PCDH1: variants seen among roughly 807,000 people sequenced by gnomAD.
PCDH1 encodes the protein protocadherin 1.
In PCDH1, 23 loss-of-function variants were observed where a neutral mutation model predicts 74.6. That is an observed-to-expected ratio of 0.31 (90% CI 0.22 to 0.44). The LOEUF (loss-of-function observed/expected upper bound fraction) is 0.44, where lower values mean the gene tolerates loss of function less well. PCDH1 is among the 20% of genes least tolerant of loss of function. PCDH1 has a pLI of 1.00. For synonymous variants in PCDH1, 647 were observed against 686.1 expected, an observed-to-expected ratio of 0.94 and a Z score of 0.89; for missense variants, 1,214 against 1,641.4, an observed-to-expected ratio of 0.74 and a Z score of 4.50.
chr5:141,869,657 G>A lies in PCDH1; in HGVS notation c.41-226C>T, dbSNP rs1753038493. ...GCCCCAGCTGGAGGAGCCAGTAAGA[G>A]GCCTGGCATGCCTAGAGCAGCTCCC... On this transcript the variant is annotated intron_variant, in intron 1 of 4. Coordinates refer to ENST00000287008, the MANE Select transcript of PCDH1 (RefSeq NM_032420.5). This position sits in a 1 kb window ranked among gnomAD's most constrained non-coding sequence, Gnocchi z 4.9. 6.5e-7 allele frequency: 1 copy of A among 1,532,162 alleles called. No homozygotes were observed. The highest frequency in any genetic ancestry group is 1.4e-5 in the African/African-American group (1 of 73,084). The allele number at this position is 1,532,162 out of a possible 1,614,324, so 94.9% of individuals were successfully genotyped here.
rs1752217620 is a variant in PCDH1 at position 141,854,005 on chromosome 5, C to A, written c.*37G>T. ...AATGGGCCATTTGGGAGCTGGCCGGCGGCTGGGGGAGGGGGGCCGGCCGGC... is the reference window on the plus strand; with the variant it reads ...AATGGGCCATTTGGGAGCTGGCCGGAGGCTGGGGGAGGGGGGCCGGCCGGC... On this transcript the variant is annotated 3_prime_UTR_variant, in exon 5 of 5. Transcript: ENST00000287008. 2 of 1,464,416 alleles carry A rather than the reference C, an allele frequency of 1.4e-6. No homozygotes were observed. Among genetic ancestry groups the A allele is most frequent in the East Asian group, 2.4e-5 (1 of 42,162 alleles). 90.7% of individuals were successfully genotyped at this position (1,464,416 alleles called of 1,614,324 possible).
intron 1 of PCDH1, among the ~76,000 whole-genome samples, chr5:141,872,078 T>G (rs1753107387): frequency 6.6e-6 from 1 of 151,750 alleles, no homozygotes; most frequent in Admixed American, 6.6e-5. Flanking sequence ...AATGTTAATC[T>G]CTTTAAAGGA....
chr5:141,865,920 ATG>A lies in PCDH1; in HGVS notation c.904-495_904-494del, dbSNP rs1014276113. Among the ~76,000 whole-genome samples the A allele has an allele frequency of 5.5e-4, 84 of 152,340 alleles. 1 individual carries two copies. The highest frequency in any genetic ancestry group is 1.9e-3 in the African/African-American group (81 of 41,576). ...TATGTATGTGTATGATTGTGTCAGA[ATG>A]TGTGATTAAATGTGATATGTTTGTG... On this transcript the variant is annotated intron_variant, in intron 2 of 4. Transcript: ENST00000287008. This position sits in a 1 kb window ranked among gnomAD's most constrained non-coding sequence, Gnocchi z 4.4.
Position 141,865,159 on chromosome 5 carries a change from C to T in PCDH1, c.1172G>A (p.Gly391Asp). ...ATCTTGATGAGTCACTAGCCCTATG[C>T]CCCGGATCTCAATGGTGGGGGCATT... Reference protein sequence around the residue: ...NDNAPTIEIRGIGLVTHQDGM... With the variant: ...NDNAPTIEIRDIGLVTHQDGM... The change falls in exon 3 of 5, where the codon GGC (glycine) becomes GAC (aspartate). Residue 391 changes from glycine to aspartate, a missense_variant. Physicochemically the swap from Gly to Asp is moderately conservative, Grantham distance 94. Around this residue, in one of 4 missense-constraint regions of PCDH1, gnomAD observed 836 missense variants for 1,182.2 expected, o/e 0.71. Transcript: ENST00000287008. This position sits in a 1 kb window ranked among gnomAD's most constrained non-coding sequence, Gnocchi z 4.4. 1 of 1,614,164 alleles carries T rather than the reference C, an allele frequency of 6.2e-7. No individual in the cohort carries two copies. Among genetic ancestry groups the T allele is most frequent in the Non-Finnish European group, 8.5e-7 (1 of 1,180,026 alleles).
At chr5:141,875,638 C>G (rs571318833) in intron 1 of PCDH1, among the ~76,000 whole-genome samples, 161 of 152,204 alleles carry the variant, frequency 1.1e-3, no homozygotes, top group African/African-American at 3.6e-3. Context: ...GGCAGACCAG[C>G]AAGACACCCA....
Position 141,865,514 on chromosome 5 carries a change from C to G in PCDH1, c.904-87G>C. ...AAGGGGCACACATGCTGCCAATGTC[C>G]TTTCCAACAAGCATGGCAGACACAG... is the stretch of plus-strand genomic sequence containing the variant. On this transcript the variant is annotated intron_variant, in intron 2 of 4. Coordinates refer to ENST00000287008, the MANE Select transcript of PCDH1 (RefSeq NM_032420.5). This position sits in a 1 kb window ranked among gnomAD's most constrained non-coding sequence, Gnocchi z 4.4. 7.0e-7 allele frequency: 1 copy of G among 1,426,132 alleles called. No individual in the cohort carries two copies. Among genetic ancestry groups the G allele is most frequent in the Non-Finnish European group, 9.5e-7 (1 of 1,047,888 alleles). 88.3% of individuals were successfully genotyped at this position (1,426,132 alleles called of 1,614,324 possible). A position where few individuals can be genotyped will look rare whatever the true frequency, so the allele number is the denominator to read the frequency against.
rs371583434 is a variant in PCDH1, at chr5:141,863,122, C to G, written c.3099+110G>C. ...TGCTGGCTCAGGCTGGCCCCCAACA[C>G]GGGCAGGCACAGTAAACCTGCTCCA... On this transcript the variant is annotated intron_variant, in intron 3 of 4. Transcript: ENST00000287008. This position sits in a 1 kb window ranked among gnomAD's most constrained non-coding sequence, Gnocchi z 7.5. The G allele has an allele frequency of 2.1e-6, 3 of 1,426,884 alleles. No homozygotes were observed. The highest frequency in any genetic ancestry group is 1.9e-5 in the South Asian group (1 of 52,056). The allele number at this position is 1,426,884 out of a possible 1,614,324, so 88.4% of individuals were successfully genotyped here.
At chr5:141,876,428 C>G (rs1023667306) in intron 1 of PCDH1, among the ~76,000 whole-genome samples, 3 of 152,204 alleles carry the variant, frequency 2.0e-5, no homozygotes, top group African/African-American at 7.2e-5. Flanking sequence ...GCCGGAATCA[C>G]AAAGCCGCGA....
At position 141,869,635 on chromosome 5, in the gene PCDH1, C is replaced by G; in HGVS notation, c.41-204G>C. On this transcript the variant is annotated intron_variant, in intron 1 of 4. Transcript: ENST00000287008. This position sits in a 1 kb window ranked among gnomAD's most constrained non-coding sequence, Gnocchi z 4.9. ...GCTGGGTGTAGCAGCAGTGTCTGCC[C>G]CAGCTGGAGGAGCCAGTAAGAGGCC... 1 of 1,533,974 alleles carries G rather than the reference C, an allele frequency of 6.5e-7. No individual in the cohort carries two copies. Among genetic ancestry groups the G allele is most frequent in the Non-Finnish European group, 8.7e-7 (1 of 1,146,262 alleles).
intron 1 of PCDH1, among the ~76,000 whole-genome samples, chr5:141,875,634 C>G (rs558917586): frequency 2.2e-4 from 33 of 152,182 alleles, no homozygotes; most frequent in Admixed American, 1.9e-3. Context: ...AGATGGCAGA[C>G]CAGCAAGACA....
In PCDH1 at chr5:141,868,896, A is replaced by G. The variant is rs1183359367; in HGVS notation, c.576T>C (p.Ala192=). The G allele has an allele frequency of 6.2e-7, 1 of 1,614,248 alleles. No individual in the cohort carries two copies. The highest frequency in any genetic ancestry group is 2.2e-5 in the East Asian group (1 of 44,876). Residue 192 remains alanine (A), a synonymous_variant, in exon 2 of 5, where the codon GCT becomes GCC. Coordinates refer to ENST00000287008, the MANE Select transcript of PCDH1 (RefSeq NM_032420.5). The surrounding 1 kb of genome is among the most constrained non-coding windows in gnomAD (Gnocchi z 4.8). ...NIGSLFPIPL[A]SDRDAGPNGV... ...CGTTGGGACCAGCATCACGGTCTGA[A>G]GCCAGCGGGATGGGGAAGAGTGAGC...
chr5:141,873,338 C>T (rs1002372767), intron 1 of PCDH1, among the ~76,000 whole-genome samples: 1 of 147,108 alleles, frequency 6.8e-6, no homozygotes, highest in East Asian at 2.0e-4. Context: ...CGGGGTTTCA[C>T]CGTGTTGGCC....
Position 141,868,542 on chromosome 5 carries a change from G to A in PCDH1, c.903+27C>T. 1 of 1,518,360 alleles carries A rather than the reference G, an allele frequency of 6.6e-7. No homozygotes were observed. Among genetic ancestry groups the A allele is most frequent in the South Asian group, 1.3e-5 (1 of 74,504 alleles). 94.1% of individuals were successfully genotyped at this position (1,518,360 alleles called of 1,614,324 possible). Reference sequence around the variant, plus strand: ...CCCATTTCTAGTGGTGGGTCACCCTGACAGTTATACGGAGGGGGCCTCTCA... The same window carrying A: ...CCCATTTCTAGTGGTGGGTCACCCTAACAGTTATACGGAGGGGGCCTCTCA... On this transcript the variant is annotated intron_variant, in intron 2 of 4. Transcript: ENST00000287008. This position sits in a 1 kb window ranked among gnomAD's most constrained non-coding sequence, Gnocchi z 4.8.
chr5:141,870,902 C>T (rs1198992194), intron 1 of PCDH1, among the ~76,000 whole-genome samples: 1 of 152,108 alleles, frequency 6.6e-6, no homozygotes, highest in African/African-American at 2.4e-5. Context: ...AATACCTTCC[C>T]CACACCTGGA....
chr5:141,864,814 A>G lies in PCDH1; in HGVS notation c.1517T>C (p.Phe506Ser). ...GGCGACCTCAGTGACACTCTGAGTG[A>G]AGACAGGTGCGTTGTCATTGACGTC... ...VVDVNDNAPVFTQSVTEVAFP... is the reference protein window; with the variant it reads ...VVDVNDNAPVSTQSVTEVAFP... The change falls in exon 3 of 5, where the codon TTC (phenylalanine) becomes TCC (serine). Residue 506 changes from phenylalanine to serine, a missense_variant. Physicochemically the swap from Phe to Ser is radical, Grantham distance 155. This residue lies in a region of PCDH1 where 836 missense variants were observed against 1,182.2 expected (regional missense o/e 0.71). Transcript: ENST00000287008. This position sits in a 1 kb window ranked among gnomAD's most constrained non-coding sequence, Gnocchi z 5.9. The G allele has an allele frequency of 6.2e-7, 1 of 1,614,104 alleles. No homozygotes were observed. Among genetic ancestry groups the G allele is most frequent in the Non-Finnish European group, 8.5e-7 (1 of 1,180,018 alleles).
intron 1 of PCDH1, among the ~76,000 whole-genome samples, chr5:141,873,406 A>G (rs1202580113): frequency 2.1e-5 from 3 of 140,174 alleles, no homozygotes; most frequent in Admixed American, 7.2e-5. Context: ...CCAAAGTGCT[A>G]GGATTACAGG....
At chr5:141,856,277 A>G (rs1480556493) in intron 4 of PCDH1, 1 of 1,535,396 alleles carries the variant, frequency 6.5e-7, no homozygotes, top group Non-Finnish European at 8.7e-7. Context: ...GCGGGCACAA[A>G]AAGGATGAGA....
Position 141,869,639 on chromosome 5 carries a change from C to T in PCDH1, c.41-208G>A, listed in dbSNP as rs1278266310. 6.5e-7 allele frequency: 1 copy of T among 1,533,664 alleles called. No homozygotes were observed. The highest frequency in any genetic ancestry group is 1.4e-5 in the African/African-American group (1 of 73,140). On this transcript the variant is annotated intron_variant, in intron 1 of 4. Coordinates refer to ENST00000287008, the MANE Select transcript of PCDH1 (RefSeq NM_032420.5). This position sits in a 1 kb window ranked among gnomAD's most constrained non-coding sequence, Gnocchi z 4.9. ...GGTGTAGCAGCAGTGTCTGCCCCAG[C>T]TGGAGGAGCCAGTAAGAGGCCTGGC...
At position 141,856,268 on chromosome 5, in the gene PCDH1, C is replaced by T. The variant is rs774635205; in HGVS notation, c.3319+984G>A. 63 of 1,492,362 alleles carry T rather than the reference C, an allele frequency of 4.2e-5. No individual in the cohort carries two copies. The Middle Eastern group carries it at 5.2e-4, about 12-fold the overall frequency. 92.4% of individuals were successfully genotyped at this position (1,492,362 alleles called of 1,614,324 possible). A position where few individuals can be genotyped will look rare whatever the true frequency, so the allele number is the denominator to read the frequency against. Reference sequence around the variant, plus strand: ...CCTGCTCCGGCCAGCCGGCTCTGCGCGGGCACAAAAAGGATGAGACGGGCA... The same window carrying T: ...CCTGCTCCGGCCAGCCGGCTCTGCGTGGGCACAAAAAGGATGAGACGGGCA... On this transcript the variant is annotated intron_variant, in intron 4 of 4. Transcript: ENST00000287008.
Sources: allele counts gnomAD v4.1 joint callset (sites outside exome capture counted in the v4.1 genomes callset), GRCh38; gene constraint gnomAD v4.1.1; regional missense constraint gnomAD v4.1.1; non-coding constraint Gnocchi (gnomAD v3.1); transcripts MANE v1.5; gene names NCBI Gene and HGNC (gene_info 2026-07-23, HGNC 2026-07-21).